KRT78: variants seen among roughly 807,000 people sequenced by gnomAD.
KRT78 encodes the protein keratin, type II cytoskeletal 78.
A neutral mutation model predicts 51.4 loss-of-function variants in KRT78; 55 were observed. The ratio of observed to expected loss-of-function variants is 1.07; its 90% CI spans 0.86 to 1.34. The LOEUF (loss-of-function observed/expected upper bound fraction) is 1.34, where lower values mean the gene tolerates loss of function less well. Ranked by LOEUF, KRT78 falls within the 40% of genes most tolerant of loss-of-function variation. The probability of loss-of-function intolerance (pLI) is 0.00; values close to 1 mark genes in which losing one functional copy is unlikely to be tolerated. For synonymous variants in KRT78, 291 were observed against 264.3 expected (o/e 1.10, Z -0.98); for missense variants, 652 against 649.4 (o/e 1.00, Z -0.04).
chr12:52,838,982 T>C lies in KRT78; in HGVS notation c.*131A>G, dbSNP rs1565696180. 6.5e-6 allele frequency: 7 copies of C among 1,075,244 alleles called. No homozygotes were observed. The East Asian group carries it at 9.7e-5, about 15-fold the overall frequency. The allele number at this position is 1,075,244 out of a possible 1,614,324, so 66.6% of individuals were successfully genotyped here. On this transcript the variant is annotated 3_prime_UTR_variant, in exon 9 of 9. Transcript: ENST00000304620. ...TTCAGAACAGCAGGAGGGGAGACTT[T>C]ATTGATTTTTGCAGCATCCGCTGTG...
chr12:52,844,267 TTGACCATCTCCTCA>T, intron 5 of KRT78, 49 bp from the exon 6 acceptor site: 1 of 1,542,982 alleles, frequency 6.5e-7, no homozygotes, highest in South Asian at 1.3e-5. Context: ...ACTGCCACCT[TTGACCATCTCCTCA>T]TGTTTGAAAA....
chr12:52,848,920 G>C lies in KRT78; in HGVS notation c.11C>G (p.Ser4Cys), dbSNP rs761192739. Residue 4 changes from serine to cysteine, a missense_variant, in exon 1 of 9, where the codon TCC (serine) becomes TGC (cysteine). By Grantham distance (112) the Ser-to-Cys change is moderately radical. Coordinates refer to ENST00000304620, the MANE Select transcript of KRT78 (RefSeq NM_173352.4). ...GAAGCCCCTCTGGGCCCGGCATGGGGAGAGAGACATGGCAGAGACAGACAG... is the reference window on the plus strand; with the variant it reads ...GAAGCCCCTCTGGGCCCGGCATGGGCAGAGAGACATGGCAGAGACAGACAG... The part of the protein sequence containing the change: MSL[S>C]PCRAQRGFSA... The C allele has an allele frequency of 1.0e-5, 16 of 1,560,466 alleles. No homozygotes were observed. The highest frequency in any genetic ancestry group is 1.4e-5 in the Non-Finnish European group (16 of 1,155,962).
chr12:52,847,944 T>A lies in KRT78; in HGVS notation c.562A>T (p.Lys188Ter). 6.2e-7 allele frequency: 1 copy of A among 1,614,172 alleles called. No individual in the cohort carries two copies. Among genetic ancestry groups the A allele is most frequent in the African/African-American group, 1.3e-5 (1 of 75,034 alleles). Residue 188 changes from lysine (K) to a stop codon, truncating the protein, a stop_gained, in exon 2 of 9, where the codon AAG (lysine) becomes TAG (stop). Transcript: ENST00000304620. LOFTEE classifies it high-confidence loss of function. Reference protein sequence around the residue: ...GERGALDAELKACRDQEEEYK... With the variant: ...GERGALDAEL Reference sequence around the variant, plus strand: ...TCCTCCTCCTGGTCCCGGCAGGCCTTCAACTCAGCATCCAGAGCCCCTCGT... The same window carrying A: ...TCCTCCTCCTGGTCCCGGCAGGCCTACAACTCAGCATCCAGAGCCCCTCGT...
intron 2 of KRT78, 66 bp downstream of exon 2, chr12:52,847,841 G>T: frequency 6.9e-7 from 1 of 1,448,204 alleles, no homozygotes; most frequent in Non-Finnish European, 9.7e-7. Flanking sequence ...CCTCCTGGCT[G>T]ACAGACCCAA....
chr12:52,846,756 A>G lies in KRT78; in HGVS notation c.660+8T>C. The G allele has an allele frequency of 1.2e-6, 2 of 1,612,686 alleles. No individual in the cohort carries two copies. The highest frequency in any genetic ancestry group is 2.2e-5 in the South Asian group (2 of 90,836). ...GAACGTAAGTGGAGCACTGGCCCCC[A>G]CCCTCACCTTCTTGAGGACCACAAA... On this transcript the variant is annotated splice_region_variant and intron_variant, in intron 3 of 8. Coordinates refer to ENST00000304620, the MANE Select transcript of KRT78 (RefSeq NM_173352.4).
rs1280039717 is a variant in KRT78, at chr12:52,844,093, C to G, written c.1047G>C (p.Gln349His). 1 of 1,612,556 alleles carries G rather than the reference C, an allele frequency of 6.2e-7. No homozygotes were observed. The highest frequency in any genetic ancestry group is 8.5e-7 in the Non-Finnish European group (1 of 1,179,486). Residue 349 changes from glutamine (Q) to histidine (H), a missense_variant and splice_region_variant, in exon 6 of 9, where the codon CAG (glutamine) becomes CAC (histidine). By Grantham distance (24) the Gln-to-His change is conservative (BLOSUM62 0). Transcript: ENST00000304620. The stretch of plus-strand genomic sequence containing the variant: ...CATTTGGGGGTCTCTGGGAATCTAC[C>G]TGCTTCTTGAGGTTCTCAGTCTGAC... ...LQSQTENLKK[Q>H]NASLQAAITD... is the part of the protein sequence containing the mutation.
At position 52,847,971 on chromosome 12, in the gene KRT78, C is replaced by A. The variant is rs746370857; in HGVS notation, c.535G>T (p.Glu179Ter). The A allele has an allele frequency of 5.0e-6, 8 of 1,614,238 alleles. No homozygotes were observed. In the East Asian group the frequency reaches 1.6e-4, roughly 31 times the overall value. ...AACTCAGCATCCAGAGCCCCTCGTT[C>A]TCCCTGGAGCTGCTCCAGCTGCTTC... ...LRKQLEQLQGERGALDAELKA... is the reference protein window; with the variant it reads ...LRKQLEQLQG The change falls in exon 2 of 9, where the codon GAA becomes TAA. Residue 179 changes from glutamate to a stop codon, truncating the protein, a stop_gained. Transcript: ENST00000304620. LOFTEE classifies it high-confidence loss of function.
chr12:52,844,662 T>A lies in KRT78; in HGVS notation c.818A>T (p.Asn273Ile), dbSNP rs201067287. ...DTSVVLSMDN[N>I]RYLDFSSIIT... ...GATGCTGCTGAAGTCCAGGTAGCGG[T>A]TGTTGTCCATGGACAGCACCACAGA... Residue 273 changes from asparagine (N) to isoleucine (I), a missense_variant, in exon 5 of 9, where the codon AAC (asparagine) becomes ATC (isoleucine). Transcript: ENST00000304620. The A allele has an allele frequency of 9.3e-6, 15 of 1,613,986 alleles. No homozygotes were observed. Among genetic ancestry groups the A allele is most frequent in the Non-Finnish European group, 1.3e-5 (15 of 1,179,972 alleles).
intron 6 of KRT78, among the ~76,000 whole-genome samples, chr12:52,842,713 T>C (rs946708236): frequency 3.3e-5 from 5 of 151,496 alleles, no homozygotes; most frequent in Non-Finnish European, 7.4e-5. Flanking sequence ...ATGTCAGGAG[T>C]TCGAGACCAG....
rs544904750 is a variant in KRT78, at chr12:52,839,450, C to T, written c.1303+3G>A. On this transcript the variant is annotated splice_donor_region_variant and intron_variant, in intron 8 of 8. Coordinates refer to ENST00000304620, the MANE Select transcript of KRT78 (RefSeq NM_173352.4). ...CCCATCCCTAAAGTCCCCTGATACT[C>T]ACAGATAGTGACCTGGCTGGTGCAC... 2.5e-6 allele frequency: 4 copies of T among 1,608,992 alleles called. No individual in the cohort carries two copies. Among genetic ancestry groups the T allele is most frequent in the Admixed American group, 1.7e-5 (1 of 59,250 alleles).
At chr12:52,840,748 G>A (rs1465292112) in intron 6 of KRT78, among the ~76,000 whole-genome samples, 1 of 152,080 alleles carries the variant, frequency 6.6e-6, no homozygotes, top group Non-Finnish European at 1.5e-5. Flanking sequence ...TGGGAATGAT[G>A]CAGCAATAAG....
intron 3 of KRT78, 97 bp from the exon 4 acceptor site, chr12:52,846,389 T>A: frequency 1.3e-6 from 1 of 792,470 alleles, no homozygotes; most frequent in Admixed American, 1.8e-5. Context: ...TCAACACCCA[T>A]CCACCATGCC....
chr12:52,839,403 G>T, intron 8 of KRT78, 31 bp from the exon 9 acceptor site: 1 of 1,612,352 alleles, frequency 6.2e-7, no homozygotes, highest in Non-Finnish European at 8.5e-7. Flanking sequence ...TCAGAGCAGG[G>T]TCATCAGCTC....
intron 6 of KRT78, among the ~76,000 whole-genome samples, chr12:52,843,694 AAAAAAAAAAAAG>A (rs1285965851): frequency 6.6e-6 from 1 of 150,998 alleles, no homozygotes; most frequent in African/African-American, 2.5e-5. Context: ...GTCTCAAAAA[AAAAAAAAAAAAG>A]AAAAAGAAAA....
In KRT78 at chr12:52,839,633, C is replaced by T. The variant is rs1940433431; in HGVS notation, c.1268+131G>A. 11 of 1,263,608 alleles carry T rather than the reference C, an allele frequency of 8.7e-6. 1 individual carries two copies. The highest frequency in any genetic ancestry group is 4.1e-5 in the Admixed American group (2 of 48,818). 78.3% of individuals were successfully genotyped at this position (1,263,608 alleles called of 1,614,324 possible). ...TCCAACTTAAAATCCCTCTCTGCAGCGTCGGTTGCCCTTAGCAACTCACAA... is the reference window on the plus strand; with the variant it reads ...TCCAACTTAAAATCCCTCTCTGCAGTGTCGGTTGCCCTTAGCAACTCACAA... On this transcript the variant is annotated intron_variant, in intron 7 of 8. Transcript: ENST00000304620.
intron 6 of KRT78, among the ~76,000 whole-genome samples, chr12:52,842,926 G>GGAAA (rs1162915670): frequency 3.2e-5 from 4 of 123,526 alleles, no homozygotes; most frequent in African/African-American, 1.4e-4. Flanking sequence ...AAGAAAGAAA[G>GGAAA]GAAAGAAAGA....
intron 5 of KRT78, 108 bp downstream of exon 5, chr12:52,844,451 G>T: frequency 7.4e-7 from 1 of 1,357,524 alleles, no homozygotes; most frequent in Non-Finnish European, 1.0e-6. Flanking sequence ...GACCTTCAGG[G>T]AGGTAACTGG....
chr12:52,840,695 G>A (rs1368877414), intron 6 of KRT78, among the ~76,000 whole-genome samples: 1 of 151,954 alleles, frequency 6.6e-6, no homozygotes, highest in Non-Finnish European at 1.5e-5. Flanking sequence ...AACAGAGCAA[G>A]ACTCCATCTC....
rs777882656 is a variant in KRT78, at chr12:52,839,850, G to A, written c.1182C>T (p.Cys394=). 9.9e-6 allele frequency: 16 copies of A among 1,613,850 alleles called. No homozygotes were observed. The highest frequency in any genetic ancestry group is 5.3e-5 in the African/African-American group (4 of 74,872). Residue 394 remains cysteine (C), a synonymous_variant, in exon 7 of 9, where the codon TGC becomes TGT. Transcript: ENST00000304620. ...MAKQNLARLL[C]EYQELTSTKL... is the part of the protein sequence containing the mutation. ...TCGTGCTCGTCAGCTCCTGGTACTCGCACAGCAGCCGGGCCAGGTTCTGCT... is the reference window on the plus strand; with the variant it reads ...TCGTGCTCGTCAGCTCCTGGTACTCACACAGCAGCCGGGCCAGGTTCTGCT...
Sources: gnomAD v4.1 joint callset for allele counts (sites outside exome capture counted in the v4.1 genomes callset) on GRCh38, gnomAD v4.1.1 for gene constraint, MANE v1.5 for transcripts, NCBI Gene and HGNC (gene_info 2026-07-23, HGNC 2026-07-21) for gene names.